Variants in PCDHGA2 observed in about 807,000 individuals in gnomAD.
PCDHGA2 encodes the protein protocadherin gamma subfamily A, 2, also known as protocadherin gamma-A2.
Under a neutral mutation model 59.2 loss-of-function variants are expected in PCDHGA2, and 40 were observed. That is an observed-to-expected ratio of 0.68 (90% confidence interval 0.52 to 0.88). The LOEUF (loss-of-function observed/expected upper bound fraction) is 0.88, where lower values mean the gene tolerates loss of function less well. PCDHGA2 is among the 40% of genes least tolerant of loss of function. The probability of loss-of-function intolerance (pLI) is 0.00; values close to 1 mark genes in which losing one functional copy is unlikely to be tolerated. For synonymous variants in PCDHGA2, 560 were observed against 526.0 expected (o/e 1.06, Z -0.89); for missense variants, 1,226 against 1,204.0 (o/e 1.02, Z -0.27).
Position 141,487,323 on chromosome 5 carries a change from G to T in PCDHGA2, c.2425-7484G>T. The T allele has an allele frequency of 6.2e-7, 1 of 1,614,100 alleles. No homozygotes were observed. The highest frequency in any genetic ancestry group is 8.5e-7 in the Non-Finnish European group (1 of 1,180,004). On this transcript the variant is annotated intron_variant, in intron 1 of 3. Coordinates refer to ENST00000394576, the MANE Select transcript of PCDHGA2 (RefSeq NM_018915.4). This position sits in a 1 kb window ranked among gnomAD's most constrained non-coding sequence, Gnocchi z 5.0. ...GTGGCACTACTCTCTAAGTGTCTTC[G>T]TGGGGCAGCCTGTGGAGTCACATGC... is the stretch of plus-strand genomic sequence containing the variant.
chr5:141,430,924 G>A (rs1217400258), intron 1 of PCDHGA2: 1 of 1,607,462 alleles, frequency 6.2e-7, no homozygotes, highest in Admixed American at 1.7e-5. Context: ...TGGGGCTGGA[G>A]CCCCGGGAGC....
chr5:141,366,064 G>C (rs761173450), intron 1 of PCDHGA2: 2 of 1,614,106 alleles, frequency 1.2e-6, no homozygotes, highest in Non-Finnish European at 1.7e-6. Flanking sequence ...TGGAGCTGGC[G>C]CCTCGCTCCG....
chr5:141,363,169 T>A (rs2149843303), intron 1 of PCDHGA2, among the ~76,000 whole-genome samples: 1 of 152,382 alleles, frequency 6.6e-6, no homozygotes, highest in Admixed American at 6.5e-5. Context: ...TTCTCTAACA[T>A]GCATTTTAAC....
rs181400389 is a variant in PCDHGA2, at chr5:141,360,129, C to T, written c.2424+18734C>T. The T allele has an allele frequency of 2.6e-4, 413 of 1,586,318 alleles. 2 individuals are homozygous for T. The Admixed American group carries it at 6.4e-3, about 25-fold the overall frequency. On this transcript the variant is annotated intron_variant, in intron 1 of 3. Coordinates refer to ENST00000394576, the MANE Select transcript of PCDHGA2 (RefSeq NM_018915.4). ...CCTATGGGCAAAGGAGCAAAGGGAGCCAGAAGATGAAAGCGAGCTCAGGGA... is the reference window on the plus strand; with the variant it reads ...CCTATGGGCAAAGGAGCAAAGGGAGTCAGAAGATGAAAGCGAGCTCAGGGA...
chr5:141,431,799 T>A lies in PCDHGA2; in HGVS notation c.2425-63008T>A. 6.2e-7 allele frequency: 1 copy of A among 1,614,228 alleles called. No homozygotes were observed. The highest frequency in any genetic ancestry group is 8.5e-7 in the Non-Finnish European group (1 of 1,180,036). On this transcript the variant is annotated intron_variant, in intron 1 of 3. Transcript: ENST00000394576. This position sits in a 1 kb window ranked among gnomAD's most constrained non-coding sequence, Gnocchi z 4.8. ...GACGTGAACGACAATGCCCCAGAAG[T>A]GGTCCTCACCTCTCTCGCCAGCTCG...
At chr5:141,419,259 CG>C in intron 1 of PCDHGA2, 1 of 1,614,016 alleles carries the variant, frequency 6.2e-7, no homozygotes, top group Non-Finnish European at 8.5e-7. Context: ...AACAACCAGC[CG>C]GGTGCCTCCA....
intron 1 of PCDHGA2, among the ~76,000 whole-genome samples, chr5:141,484,819 G>A (rs2099601374): frequency 1.3e-5 from 2 of 152,122 alleles, no homozygotes; most frequent in Admixed American, 1.3e-4. Flanking sequence ...GCCGTTGAGC[G>A]GGAGGAAGGC....
rs191188858 is a variant in PCDHGA2, at chr5:141,472,077, A to G, written c.2425-22730A>G. On this transcript the variant is annotated intron_variant, in intron 1 of 3. Transcript: ENST00000394576. ...GATTGACATGTCTGTGGTTATATCA[A>G]TGAGTACTATTATTATTCCCATTTT... 2.4e-3 allele frequency among the ~76,000 whole-genome samples: 365 copies of G among 152,346 alleles called. 2 individuals carry two copies. Among genetic ancestry groups the G allele is most frequent in the African/African-American group, 8.4e-3 (351 of 41,580 alleles).
Position 141,502,395 on chromosome 5 carries a change from G to A in PCDHGA2, c.2484-2998G>A, listed in dbSNP as rs115188718. The stretch of plus-strand genomic sequence containing the variant: ...GTCCAGGCCAGTTGTACTTTAAAAT[G>A]TCCCCGAACCTGGATTTGCTGGCTA... On this transcript the variant is annotated intron_variant, in intron 2 of 3. Transcript: ENST00000394576. Among the ~76,000 whole-genome samples, 610 of 151,894 alleles carry A rather than the reference G, an allele frequency of 4.0e-3. 3 individuals carry two copies. Among genetic ancestry groups the A allele is most frequent in the African/African-American group, 0.013 (553 of 41,410 alleles).
At chr5:141,483,207 A>G (rs1225621725) in intron 1 of PCDHGA2, among the ~76,000 whole-genome samples, 1 of 152,224 alleles carries the variant, frequency 6.6e-6, no homozygotes, top group African/African-American at 2.4e-5. Context: ...TATTCCATAT[A>G]GATGACAGTC....
intron 1 of PCDHGA2, chr5:141,408,686 A>G (rs2095150873): frequency 6.2e-7 from 1 of 1,613,848 alleles, no homozygotes; most frequent in Non-Finnish European, 8.5e-7. Flanking sequence ...GGATCCTGAT[A>G]TAAACATAAA....
chr5:141,448,621 T>C (rs2098597629), intron 1 of PCDHGA2, among the ~76,000 whole-genome samples: 1 of 152,168 alleles, frequency 6.6e-6, no homozygotes, highest in Admixed American at 6.5e-5. Flanking sequence ...TATATCTTCC[T>C]TTCTTCACAT....
intron 1 of PCDHGA2, chr5:141,403,389 C>T (rs764725441): frequency 1.2e-6 from 2 of 1,614,050 alleles, no homozygotes; most frequent in South Asian, 1.1e-5. Context: ...AACGAAATCG[C>T]GGTTCCTGGA....
At chr5:141,405,218 G>T in intron 1 of PCDHGA2, 1 of 1,613,986 alleles carries the variant, frequency 6.2e-7, no homozygotes, top group Non-Finnish European at 8.5e-7. Flanking sequence ...CTATTCTCAG[G>T]AGTTCTCCCT....
rs771884610 is a variant in PCDHGA2, at chr5:141,491,436, G to T, written c.2425-3371G>T. 1 of 1,614,070 alleles carries T rather than the reference G, an allele frequency of 6.2e-7. No individual in the cohort carries two copies. ...ACGGGGGTGGAGGGCAGTGCTGCAGGCGCCAGGACTCACCCTCCCCGGACT... is the reference window on the plus strand; with the variant it reads ...ACGGGGGTGGAGGGCAGTGCTGCAGTCGCCAGGACTCACCCTCCCCGGACT... On this transcript the variant is annotated intron_variant, in intron 1 of 3. Coordinates refer to ENST00000394576, the MANE Select transcript of PCDHGA2 (RefSeq NM_018915.4). The surrounding 1 kb of genome is among the most constrained non-coding windows in gnomAD (Gnocchi z 6.9).
rs762713317 is a variant in PCDHGA2 at position 141,340,847 on chromosome 5, G to T, written c.1876G>T (p.Val626Leu). The change falls in exon 1 of 4, where the codon GTG becomes TTG. Residue 626 changes from valine to leucine, a missense_variant. By Grantham distance (32) the Val-to-Leu change is conservative (BLOSUM62 1). Transcript: ENST00000394576. ...LFSVGLHTGE[V>L]RTARALLDRD... ...CTCGGTGGGTCTGCACACGGGCGAG[G>T]TGCGCACGGCGCGAGCCCTGCTGGA... 8.7e-6 allele frequency: 14 copies of T among 1,612,760 alleles called. No homozygotes were observed. Among genetic ancestry groups the T allele is most frequent in the Non-Finnish European group, 1.2e-5 (14 of 1,179,710 alleles).
At chr5:141,509,268 G>A (rs2099875959) in intron 3 of PCDHGA2, among the ~76,000 whole-genome samples, 1 of 152,150 alleles carries the variant, frequency 6.6e-6, no homozygotes, top group South Asian at 2.1e-4. Flanking sequence ...AGTCACTCTC[G>A]CTACCCGCTC....
rs759706919 is a variant in PCDHGA2 at position 141,374,098 on chromosome 5, G to C, written c.2424+32703G>C. 20 of 1,561,062 alleles carry C rather than the reference G, an allele frequency of 1.3e-5. No homozygotes were observed. The South Asian group carries it at 2.1e-4, about 17-fold the overall frequency. ...ATAAGCCAGTAATGGCGCCTCCGCA[G>C]AGGCATCCGCAGCGCAGCGAGCAGG... On this transcript the variant is annotated intron_variant, in intron 1 of 3. Transcript: ENST00000394576.
chr5:141,504,680 A>G (rs912248504), intron 2 of PCDHGA2, among the ~76,000 whole-genome samples: 1 of 150,294 alleles, frequency 6.7e-6, no homozygotes, highest in Non-Finnish European at 1.5e-5. Flanking sequence ...GGGTTCTTGT[A>G]AAATAGGAGG....
Sources: gnomAD v4.1 joint callset for allele counts (sites outside exome capture counted in the v4.1 genomes callset) on GRCh38, gnomAD v4.1.1 for gene constraint, Gnocchi (gnomAD v3.1) non-coding constraint, MANE v1.5 for transcripts, NCBI Gene and HGNC (gene_info 2026-07-23, HGNC 2026-07-21) for gene names.